KIF5C: variants seen among roughly 807,000 people sequenced by gnomAD.
KIF5C encodes the protein kinesin heavy chain isoform 5C.
A neutral mutation model predicts 125.2 loss-of-function variants in KIF5C; 18 were observed. The ratio of observed to expected loss-of-function variants is 0.14; its 90% CI spans 0.10 to 0.21. The LOEUF is 0.21. Among genes scored for constraint, KIF5C ranks in the 10% least tolerant of loss-of-function variants. The pLI is 1.00. For missense variants in KIF5C, 780 were observed against 1,183.8 expected, an observed-to-expected ratio of 0.66 and a Z score of 5.01; for synonymous variants, 405 against 434.0, an observed-to-expected ratio of 0.93 and a Z score of 0.83.
At chr2:148,916,378 C>G (rs1406436612) in intron 1 of KIF5C, among the ~76,000 whole-genome samples, 1 of 152,120 alleles carries the variant, frequency 6.6e-6, no homozygotes, top group East Asian at 1.9e-4. Context: ...GGCCTTGAAA[C>G]AGGGTAAATT....
intron 14 of KIF5C, among the ~76,000 whole-genome samples, 200 bp from the exon 15 acceptor site, chr2:148,983,420 A>C (rs1431727010): frequency 6.6e-6 from 1 of 152,252 alleles, no homozygotes; most frequent in Non-Finnish European, 1.5e-5. Flanking sequence ...GTATCAGGCC[A>C]TGTGATACAA....
In KIF5C at chr2:148,937,357, C is replaced by A; in HGVS notation, c.365C>A (p.Ser122Tyr). The A allele has an allele frequency of 6.3e-7, 1 of 1,599,486 alleles. No homozygotes were observed. Among genetic ancestry groups the A allele is most frequent in the East Asian group, 2.2e-5 (1 of 44,490 alleles). Residue 122 changes from serine (S) to tyrosine (Y), a missense_variant, in exon 4 of 26, where the codon TCC (serine) becomes TAC (tyrosine). Ser to Tyr is a moderately radical substitution (Grantham distance 144). This residue lies in a region of KIF5C where 207 missense variants were observed against 441.2 expected (regional missense o/e 0.47). Coordinates refer to ENST00000435030, the MANE Select transcript of KIF5C (RefSeq NM_004522.3). ...CATGATATCTTTGACCATATCTACTCCATGGATGAGAACCTGGAGTTTCAC... is the reference window on the plus strand; with the variant it reads ...CATGATATCTTTGACCATATCTACTACATGGATGAGAACCTGGAGTTTCAC... Reference protein sequence around the residue: ...IAHDIFDHIYSMDENLEFHIK... With the variant: ...IAHDIFDHIYYMDENLEFHIK...
In KIF5C at chr2:148,937,275, G is replaced by T. The variant is rs372501544; in HGVS notation, c.292-9G>T. On this transcript the variant is annotated splice_polypyrimidine_tract_variant and intron_variant, in intron 3 of 25. Transcript: ENST00000435030. ...TTTAACTGCCCGTGTTTGTATTTTC[G>T]CCCACTAGGGGAAGCTGCATGACCC... 5.7e-6 allele frequency: 9 copies of T among 1,579,010 alleles called. No homozygotes were observed. The highest frequency in any genetic ancestry group is 6.9e-6 in the Non-Finnish European group (8 of 1,161,350).
At chr2:148,958,948 CA>C (rs1345969899) in intron 10 of KIF5C, among the ~76,000 whole-genome samples, 1 of 151,802 alleles carries the variant, frequency 6.6e-6, no homozygotes, top group Non-Finnish European at 1.5e-5. Context: ...TGTGCCACTG[CA>C]CTCCAGCCTG....
At chr2:148,958,295 T>C (rs981709360) in intron 10 of KIF5C, among the ~76,000 whole-genome samples, 4 of 152,206 alleles carry the variant, frequency 2.6e-5, no homozygotes, top group Admixed American at 6.5e-5. Flanking sequence ...ATTCACACTC[T>C]CTCCAGTAGT....
intron 1 of KIF5C, chr2:148,884,498 A>T (rs1480495921): frequency 6.6e-6 from 1 of 152,164 alleles, no homozygotes; most frequent in South Asian, 2.1e-4. Flanking sequence ...TAGAAAGAAT[A>T]AAAAAAGTAC....
At position 148,939,094 on chromosome 2, in the gene KIF5C, T is replaced by TA. The variant is rs66739683; in HGVS notation, c.396+1725dup. 3.5e-3 allele frequency among the ~76,000 whole-genome samples: 463 copies of TA among 131,692 alleles called. 2 individuals carry two copies. Among genetic ancestry groups the TA allele is most frequent in the South Asian group, 0.013 (51 of 3,972 alleles). 86.4% of individuals were successfully genotyped at this position (131,692 alleles called of 152,430 possible). ...TGGGCGACAGAGAGAGATTCTGTCTTAAAAAAAAAAAAAAAAAAAGACGCA... is the reference window on the plus strand; with the variant it reads ...TGGGCGACAGAGAGAGATTCTGTCTTAAAAAAAAAAAAAAAAAAAAGACGCA... On this transcript the variant is annotated intron_variant, in intron 4 of 25. Transcript: ENST00000435030.
At chr2:148,910,702 G>A (rs879569157) in intron 1 of KIF5C, among the ~76,000 whole-genome samples, 19 of 152,196 alleles carry the variant, frequency 1.2e-4, no homozygotes, top group African/African-American at 4.6e-4. Context: ...ATACCATAGA[G>A]CATCCTAGCA....
intron 4 of KIF5C, among the ~76,000 whole-genome samples, chr2:148,938,076 C>T (rs1165159656): frequency 6.6e-6 from 1 of 152,172 alleles, no homozygotes; most frequent in Non-Finnish European, 1.5e-5. Flanking sequence ...TTTCTACTCT[C>T]TTACTGTAGC....
intron 10 of KIF5C, among the ~76,000 whole-genome samples, chr2:148,953,140 G>A (rs1357570131): frequency 6.6e-6 from 1 of 152,122 alleles, no homozygotes; most frequent in African/African-American, 2.4e-5. Flanking sequence ...GTGACAGCAG[G>A]GACTGAGTTT....
intron 17 of KIF5C, among the ~76,000 whole-genome samples, chr2:148,994,980 A>G (rs1177584868): frequency 1.3e-5 from 2 of 152,124 alleles, no homozygotes; most frequent in Admixed American, 1.3e-4. Flanking sequence ...AGAGTCAGCC[A>G]CCGTGCCCAG....
At chr2:148,994,754 G>C (rs1681619863) in intron 17 of KIF5C, among the ~76,000 whole-genome samples, 1 of 151,310 alleles carries the variant, frequency 6.6e-6, no homozygotes, top group East Asian at 1.9e-4. Flanking sequence ...CCAGGCTGAA[G>C]TGCGGTGGCA....
intron 1 of KIF5C, among the ~76,000 whole-genome samples, chr2:148,918,705 T>A (rs1681659585): frequency 6.6e-6 from 1 of 152,216 alleles, no homozygotes; most frequent in African/African-American, 2.4e-5. Flanking sequence ...TGGAGGATGA[T>A]GCAGGCAGCT....
At chr2:148,980,226 G>A (rs1038063438) in intron 13 of KIF5C, among the ~76,000 whole-genome samples, 2 of 152,006 alleles carry the variant, frequency 1.3e-5, no homozygotes, top group African/African-American at 4.8e-5. Flanking sequence ...ACCATATTTC[G>A]TTGATCTCTC....
At chr2:148,886,688 AT>A (rs1191178427) in intron 1 of KIF5C, among the ~76,000 whole-genome samples, 1 of 152,150 alleles carries the variant, frequency 6.6e-6, no homozygotes, top group Non-Finnish European at 1.5e-5. Flanking sequence ...GTTTGTTTAT[AT>A]GATATTTGTT....
rs1285892996 is a variant in KIF5C at position 149,024,641 on chromosome 2, T to G, written c.*1571T>G. ...AATTTCCCTAGCAAAGCAAACCTGC[T>G]TTGACTTAATTTATTTGTTAAATGT... is the stretch of plus-strand genomic sequence containing the variant. On this transcript the variant is annotated 3_prime_UTR_variant, in exon 26 of 26. Coordinates refer to ENST00000435030, the MANE Select transcript of KIF5C (RefSeq NM_004522.3). The G allele has an allele frequency of 2.0e-5, 3 of 152,458 alleles. No homozygotes were observed. Among genetic ancestry groups the G allele is most frequent in the Non-Finnish European group, 4.4e-5 (3 of 68,002 alleles). 9.4% of individuals were successfully genotyped at this position (152,458 alleles called of 1,614,324 possible). A position where few individuals can be genotyped will look rare whatever the true frequency, so the allele number is the denominator to read the frequency against.
chr2:149,006,520 A>G (rs572086434), intron 22 of KIF5C, among the ~76,000 whole-genome samples: 1 of 152,338 alleles, frequency 6.6e-6, no homozygotes, highest in South Asian at 2.1e-4. Context: ...CAAGGAGACT[A>G]GACATGGTTC....
At chr2:148,895,850 A>G (rs1359755513) in intron 1 of KIF5C, among the ~76,000 whole-genome samples, 2 of 23,180 alleles carry the variant, frequency 8.6e-5, no homozygotes, top group Non-Finnish European at 4.0e-4. Flanking sequence ...TGTGTGACAC[A>G]CACACACACA....
chr2:148,973,401 A>G lies in KIF5C; in HGVS notation c.1183A>G (p.Asn395Asp). 1 of 1,613,748 alleles carries G rather than the reference A, an allele frequency of 6.2e-7. No individual in the cohort carries two copies. The highest frequency in any genetic ancestry group is 8.5e-7 in the Non-Finnish European group (1 of 1,179,712). The part of the protein sequence containing the change: ...KDQKNLEPCD[N>D]TPIIDNIAPV... ...CCAGAAGAACCTGGAGCCTTGTGATAACACCCCCATCATAGACAATATTGC... is the reference window on the plus strand; with the variant it reads ...CCAGAAGAACCTGGAGCCTTGTGATGACACCCCCATCATAGACAATATTGC... Residue 395 changes from asparagine (N) to aspartate (D), a missense_variant, in exon 12 of 26, where the codon AAC becomes GAC. Coordinates refer to ENST00000435030, the MANE Select transcript of KIF5C (RefSeq NM_004522.3).
Sources: allele counts gnomAD v4.1 joint callset (sites outside exome capture counted in the v4.1 genomes callset), GRCh38; gene constraint gnomAD v4.1.1; regional missense constraint gnomAD v4.1.1; transcripts MANE v1.5; gene names NCBI Gene and HGNC (gene_info 2026-07-23, HGNC 2026-07-21).